Variants in RNF38 observed in about 807,000 individuals in gnomAD.
RNF38 encodes ring finger protein 38, also known as E3 ubiquitin-protein ligase RNF38.
RNF38 carries 15 observed loss-of-function variants against 67.2 expected under a neutral mutation model. That is an observed-to-expected ratio of 0.22 (90% CI 0.15 to 0.34). The LOEUF is 0.34. Among genes scored for constraint, RNF38 ranks in the 10% least tolerant of loss-of-function variants. RNF38 has a pLI of 1.00. For synonymous variants in RNF38, 220 were observed against 218.8 expected (o/e 1.01, Z -0.05); for missense variants, 524 against 639.9 (o/e 0.82, Z 1.95).
intron 1 of RNF38, among the ~76,000 whole-genome samples, chr9:36,469,598 T>C (rs1029665832): frequency 2.0e-5 from 3 of 151,490 alleles, no homozygotes; most frequent in South Asian, 2.1e-4. Context: ...GAGGTGGAGG[T>C]TGTGGTGAGC....
In RNF38 at chr9:36,338,571, A is replaced by G. The variant is rs947813912; in HGVS notation, c.*1181T>C. On this transcript the variant is annotated 3_prime_UTR_variant, in exon 12 of 12. Coordinates refer to ENST00000259605, the MANE Select transcript of RNF38 (RefSeq NM_022781.5). The stretch of plus-strand genomic sequence containing the variant: ...CAAGTGAATTAATATGAACAGAAAT[A>G]GAGTTTTCTTAAAACAATTGAGTTG... 1.3e-5 allele frequency: 2 copies of G among 150,140 alleles called. No homozygotes were observed. The highest frequency in any genetic ancestry group is 5.1e-5 in the African/African-American group (2 of 39,498). 9.3% of individuals were successfully genotyped at this position (150,140 alleles called of 1,614,324 possible). A position where few individuals can be genotyped will look rare whatever the true frequency, so the allele number is the denominator to read the frequency against.
At chr9:36,434,675 CA>C (rs1839021813) in intron 1 of RNF38, among the ~76,000 whole-genome samples, 1 of 152,174 alleles carries the variant, frequency 6.6e-6, no homozygotes. Context: ...AGGCATGAGC[CA>C]CCGTGCCCAG....
At chr9:36,404,701 CTTTT>C (rs1165416522), upstream of RNF38, among the ~76,000 whole-genome samples, 2 of 152,122 alleles carry the variant, frequency 1.3e-5, no homozygotes, top group Non-Finnish European at 2.9e-5. Context: ...TATCTCAGTT[CTTTT>C]GAGTTTTCTA....
intron 2 of RNF38, among the ~76,000 whole-genome samples, chr9:36,407,328 T>C (rs1889279): frequency 0.65 from 99,368 of 152,000 alleles, 32,542 homozygotes; most frequent in South Asian, 0.67. Flanking sequence ...GGTGGCTGTT[T>C]CCACAGTGCA....
chr9:36,452,523 G>A (rs1327294801), intron 1 of RNF38, among the ~76,000 whole-genome samples: 1 of 151,224 alleles, frequency 6.6e-6, no homozygotes, highest in Non-Finnish European at 1.5e-5. Flanking sequence ...TGGCATGTTA[G>A]CAAAATCTTG....
upstream of RNF38, chr9:36,400,281 C>A (rs116103112): frequency 2.2e-3 from 2,941 of 1,312,572 alleles, 49 homozygotes; most frequent in African/African-American, 0.039. Context: ...CCAGAGAGGA[C>A]CCTTTCGACC....
At chr9:36,416,343 A>G (rs527681767) in intron 2 of RNF38, among the ~76,000 whole-genome samples, 1 of 152,128 alleles carries the variant, frequency 6.6e-6, no homozygotes, top group African/African-American at 2.4e-5. Flanking sequence ...GGCCTCACCG[A>G]ATTCCTCCAC....
intron 4 of RNF38, among the ~76,000 whole-genome samples, chr9:36,362,673 C>G (rs1280845983): frequency 6.6e-6 from 1 of 151,622 alleles, no homozygotes; most frequent in Non-Finnish European, 1.5e-5. Context: ...TCTTTTGAGA[C>G]AGAGTCTTGC....
intron 3 of RNF38, chr9:36,372,684 C>A: frequency 1.9e-6 from 1 of 518,746 alleles, no homozygotes; most frequent in Admixed American, 3.5e-5. Flanking sequence ...GTGGTAAATA[C>A]TCTCTACTAC....
chr9:36,441,093 G>A (rs936764889), intron 1 of RNF38, among the ~76,000 whole-genome samples: 2 of 152,098 alleles, frequency 1.3e-5, no homozygotes, highest in African/African-American at 4.8e-5. Flanking sequence ...GGAGGAAAGA[G>A]GGTGTTAGAA....
chr9:36,427,702 T>TCTATCTAC (rs1554694676), intron 1 of RNF38, among the ~76,000 whole-genome samples: 1,753 of 139,342 alleles, frequency 0.013, 29 homozygotes, highest in Admixed American at 0.012. Context: ...TATCTATCTA[T>TCTATCTAC]CTACCTACCT....
intron 9 of RNF38, among the ~76,000 whole-genome samples, chr9:36,350,509 C>T (rs1215543286): frequency 6.6e-6 from 1 of 152,208 alleles, no homozygotes; most frequent in Non-Finnish European, 1.5e-5. Flanking sequence ...TAACCACAGA[C>T]CATCTGTTGA....
chr9:36,363,892 T>G (rs1046991062), intron 4 of RNF38, among the ~76,000 whole-genome samples: 1 of 89,464 alleles, frequency 1.1e-5, no homozygotes, highest in African/African-American at 3.3e-5. Context: ...TTTTTTTTTT[T>G]GGAGGTGCAA....
At position 36,339,763 on chromosome 9, in the gene RNF38, C is replaced by G; in HGVS notation, c.1537G>C (p.Asp513His). The change falls in exon 12 of 12, where the codon GAT (aspartate) becomes CAT (histidine). Residue 513 changes from aspartate (D) to histidine (H), a missense_variant. Coordinates refer to ENST00000259605, the MANE Select transcript of RNF38 (RefSeq NM_022781.5). ...CRADASEVHRDSE is the reference protein window; with the variant it reads ...CRADASEVHRHSE Reference sequence around the variant, plus strand: ...GCTTCTTAGGTTGGTCATTCTGAATCCCGATGCACTTCTGAAGCATCAGCT... The same window carrying G: ...GCTTCTTAGGTTGGTCATTCTGAATGCCGATGCACTTCTGAAGCATCAGCT... 6.2e-6 allele frequency: 10 copies of G among 1,613,112 alleles called. No homozygotes were observed. Among genetic ancestry groups the G allele is most frequent in the Non-Finnish European group, 8.5e-6 (10 of 1,179,370 alleles).
At chr9:36,479,497 T>C (rs570452326) in intron 1 of RNF38, among the ~76,000 whole-genome samples, 94 of 152,314 alleles carry the variant, frequency 6.2e-4, no homozygotes, top group African/African-American at 2.2e-3. Context: ...TCTTGGCAGA[T>C]GGGCACAATC....
intron 8 of RNF38, among the ~76,000 whole-genome samples, chr9:36,351,444 C>T (rs1833682240): frequency 6.6e-6 from 1 of 152,192 alleles, no homozygotes; most frequent in Non-Finnish European, 1.5e-5. Context: ...ATTCAGATGT[C>T]ACTTTCTCCT....
At chr9:36,415,427 TTTTG>T (rs1000092040) in intron 2 of RNF38, among the ~76,000 whole-genome samples, 3 of 144,274 alleles carry the variant, frequency 2.1e-5, no homozygotes, top group Admixed American at 2.0e-4. Context: ...ATCTTGTTTT[TTTTG>T]TTTTTTTGTT....
At chr9:36,362,470 CAAAA>C (rs57951615) in intron 4 of RNF38, among the ~76,000 whole-genome samples, 1 of 135,236 alleles carries the variant, frequency 7.4e-6, no homozygotes, top group African/African-American at 2.7e-5. Flanking sequence ...ATCAAGACTA[CAAAA>C]AAAAAAAAAA....
chr9:36,380,643 C>A (rs1269531163), intron 2 of RNF38, among the ~76,000 whole-genome samples: 1 of 152,160 alleles, frequency 6.6e-6, no homozygotes, highest in Non-Finnish European at 1.5e-5. Flanking sequence ...CAGGTGCACA[C>A]CACCATGACC....
Sources: gnomAD v4.1 joint callset for allele counts (sites outside exome capture counted in the v4.1 genomes callset) on GRCh38, gnomAD v4.1.1 for gene constraint, MANE v1.5 for transcripts, NCBI Gene and HGNC (gene_info 2026-07-23, HGNC 2026-07-21) for gene names.